Variants in SPRED2 observed in about 807,000 individuals in gnomAD.
SPRED2 encodes sprouty related EVH1 domain containing 2.
In SPRED2, 47 loss-of-function variants were observed where a neutral mutation model predicts 43.0. The observed-to-expected ratio is 1.09, with a 90% CI of 0.87 to 1.40. The LOEUF (loss-of-function observed/expected upper bound fraction) is 1.40, where lower values mean the gene tolerates loss of function less well. Ranked by LOEUF, SPRED2 falls within the 40% of genes most tolerant of loss-of-function variation. The probability of loss-of-function intolerance (pLI) is 0.00; values close to 1 mark genes in which losing one functional copy is unlikely to be tolerated. For synonymous variants in SPRED2, 225 were observed against 225.7 expected, an observed-to-expected ratio of 1.00 and a Z score of 0.03; for missense variants, 561 against 586.4, an observed-to-expected ratio of 0.96 and a Z score of 0.45.
intron 1 of SPRED2, among the ~76,000 whole-genome samples, chr2:65,410,104 G>A (rs116161050): frequency 5.3e-5 from 8 of 152,090 alleles, no homozygotes; most frequent in Non-Finnish European, 1.2e-4. Context: ...AGGCGTAATG[G>A]CTCACGCCTG....
In SPRED2 at chr2:65,311,197, T is replaced by G. The variant is rs894301884; in HGVS notation, c.*2304A>C. The G allele has an allele frequency of 4.7e-5, 46 of 985,748 alleles. No homozygotes were observed. The highest frequency in any genetic ancestry group is 5.4e-5 in the Non-Finnish European group (45 of 829,922). 61.1% of individuals were successfully genotyped at this position (985,748 alleles called of 1,614,324 possible). A position where few individuals can be genotyped will look rare whatever the true frequency, so the allele number is the denominator to read the frequency against. On this transcript the variant is annotated 3_prime_UTR_variant, in exon 6 of 6. Transcript: ENST00000356388. ...AATAATTTCTCTCAAATGATTGACG[T>G]CAGTATGGCAAAGCTGACTGGGAAA...
chr2:65,311,618 T>C lies in SPRED2; in HGVS notation c.*1883A>G. ...CACTGGAGGCTGGCTGAAGGTTTTC[T>C]AGATGTTCTCCAGGCATGGATGAGG... On this transcript the variant is annotated 3_prime_UTR_variant, in exon 6 of 6. Coordinates refer to ENST00000356388, the MANE Select transcript of SPRED2 (RefSeq NM_181784.3). The C allele has an allele frequency of 1.0e-6, 1 of 985,836 alleles. No homozygotes were observed. The highest frequency in any genetic ancestry group is 1.7e-5 in the African/African-American group (1 of 57,356). 61.1% of individuals were successfully genotyped at this position (985,836 alleles called of 1,614,324 possible). A position where few individuals can be genotyped will look rare whatever the true frequency, so the allele number is the denominator to read the frequency against.
At chr2:65,309,671 T>G (rs1673019610), downstream of SPRED2, among the ~76,000 whole-genome samples, 1 of 152,198 alleles carries the variant, frequency 6.6e-6, no homozygotes, top group Non-Finnish European at 1.5e-5. Context: ...TCTTTACATG[T>G]GTGCTTCCTC....
At chr2:65,355,474 T>A (rs1232233858) in intron 1 of SPRED2, among the ~76,000 whole-genome samples, 2 of 152,138 alleles carry the variant, frequency 1.3e-5, no homozygotes, top group East Asian at 3.9e-4. Context: ...CCTAGCACTT[T>A]GGGGGGACGA....
chr2:65,382,503 T>C (rs1364957846), intron 1 of SPRED2, among the ~76,000 whole-genome samples: 1 of 152,140 alleles, frequency 6.6e-6, no homozygotes, highest in African/African-American at 2.4e-5. Flanking sequence ...AATGTACTGG[T>C]TTCAAAGCCA....
intron 1 of SPRED2, among the ~76,000 whole-genome samples, chr2:65,356,213 T>C (rs1674640921): frequency 6.6e-6 from 1 of 152,192 alleles, no homozygotes; most frequent in African/African-American, 2.4e-5. Context: ...GCCATGATAT[T>C]TGCAACCTAC....
At chr2:65,364,347 C>T (rs868647245) in intron 1 of SPRED2, among the ~76,000 whole-genome samples, 1 of 152,238 alleles carries the variant, frequency 6.6e-6, no homozygotes, top group Non-Finnish European at 1.5e-5. Flanking sequence ...TTGCTCTGAA[C>T]ATAGGCAGCG....
chr2:65,361,953 A>G (rs569544049), intron 1 of SPRED2, among the ~76,000 whole-genome samples: 8 of 152,374 alleles, frequency 5.3e-5, no homozygotes, highest in South Asian at 4.1e-4. Context: ...CTGGATGGGT[A>G]CAGGGAACAT....
intron 1 of SPRED2, among the ~76,000 whole-genome samples, chr2:65,372,028 G>A (rs1224806432): frequency 1.3e-5 from 2 of 151,816 alleles, no homozygotes; most frequent in South Asian, 4.2e-4. Flanking sequence ...AACAGAGATC[G>A]CACCACTGCA....
chr2:65,320,215 T>C (rs1230181484), intron 4 of SPRED2, among the ~76,000 whole-genome samples: 1 of 152,236 alleles, frequency 6.6e-6, no homozygotes, highest in African/African-American at 2.4e-5. Context: ...AAGTTAGCCT[T>C]GTGTTGAACA....
chr2:65,404,334 C>G (rs1424200308), intron 1 of SPRED2, among the ~76,000 whole-genome samples: 1 of 152,150 alleles, frequency 6.6e-6, no homozygotes, highest in African/African-American at 2.4e-5. Context: ...ATCAAATATA[C>G]TCACAAAGTT....
At chr2:65,382,316 GA>G (rs1405612619) in intron 1 of SPRED2, among the ~76,000 whole-genome samples, 1 of 148,450 alleles carries the variant, frequency 6.7e-6, no homozygotes, top group Non-Finnish European at 1.5e-5. Flanking sequence ...AGAAGAAGAA[GA>G]AAAAAAAGCC....
chr2:65,308,511 C>T (rs190394279), downstream of SPRED2: 506 of 985,396 alleles, frequency 5.1e-4, no homozygotes, highest in Middle Eastern at 1.6e-3. Flanking sequence ...ATTGATAATG[C>T]GCTTCAGCCT....
At chr2:65,411,823 A>C (rs1201404147) in intron 1 of SPRED2, among the ~76,000 whole-genome samples, 1 of 152,196 alleles carries the variant, frequency 6.6e-6, no homozygotes, top group African/African-American at 2.4e-5. Context: ...TCCGTAGTTT[A>C]ACATTTAAGA....
intron 1 of SPRED2, among the ~76,000 whole-genome samples, chr2:65,399,519 A>G (rs1184068735): frequency 6.6e-6 from 1 of 151,056 alleles, no homozygotes; most frequent in African/African-American, 2.4e-5. Flanking sequence ...AGTAGCTGGA[A>G]CTACAGGTGC....
chr2:65,321,441 G>T (rs1162864050), intron 4 of SPRED2, among the ~76,000 whole-genome samples: 1 of 149,714 alleles, frequency 6.7e-6, no homozygotes, highest in Non-Finnish European at 1.5e-5. Context: ...GGAGGCTGAG[G>T]TAGGAGGATC....
chr2:65,410,816 T>C (rs1676140170), intron 1 of SPRED2, among the ~76,000 whole-genome samples: 1 of 152,128 alleles, frequency 6.6e-6, no homozygotes, highest in Non-Finnish European at 1.5e-5. Flanking sequence ...ATGAGGCTTT[T>C]ATAGATAATC....
intron 1 of SPRED2, 67 bp from the exon 2 acceptor site, chr2:65,344,963 A>C: frequency 6.8e-7 from 1 of 1,472,204 alleles, no homozygotes; most frequent in Non-Finnish European, 9.2e-7. Context: ...CACGTTTCAA[A>C]ATGCAAGATG....
intron 1 of SPRED2, among the ~76,000 whole-genome samples, chr2:65,418,002 C>T (rs1051631135): frequency 2.8e-4 from 42 of 152,280 alleles, no homozygotes; most frequent in African/African-American, 9.1e-4. Flanking sequence ...ATTTCACAGC[C>T]CCCTTGACCA....
Sources: gnomAD v4.1 joint callset for allele counts (sites outside exome capture counted in the v4.1 genomes callset) on GRCh38, gnomAD v4.1.1 for gene constraint, MANE v1.5 for transcripts, NCBI Gene and HGNC (gene_info 2026-07-23, HGNC 2026-07-21) for gene names.